The following NR2F1-AS1 variants were observed in gnomAD, a reference collection of about 807,000 sequenced individuals.
NR2F1-AS1 encodes NR2F1 regulatory antisense RNA 1.
intron 2 of NR2F1-AS1, among the ~76,000 whole-genome samples, chr5:93,555,778 T>C (rs1399164323): frequency 1.3e-5 from 2 of 152,200 alleles, no homozygotes; most frequent in Non-Finnish European, 2.9e-5. Flanking sequence ...CAGACACTAA[T>C]TTATTTTAGA....
intron 4 of NR2F1-AS1, among the ~76,000 whole-genome samples, chr5:93,534,049 T>C (rs1290857064): frequency 6.6e-6 from 1 of 152,092 alleles, no homozygotes; most frequent in Non-Finnish European, 1.5e-5. Context: ...GCCACTGAAC[T>C]CCAGCCTGGG....
intron 4 of NR2F1-AS1, among the ~76,000 whole-genome samples, chr5:93,524,893 CT>C (rs1298569332): frequency 3.3e-5 from 5 of 152,164 alleles, no homozygotes; most frequent in Non-Finnish European, 7.3e-5. Flanking sequence ...ATACCAGCCA[CT>C]GCAAAAACAT....
chr5:93,515,716 TGTC>T (rs1166855718), intron 4 of NR2F1-AS1, among the ~76,000 whole-genome samples: 1 of 151,908 alleles, frequency 6.6e-6, no homozygotes, highest in Non-Finnish European at 1.5e-5. Context: ...AAATCTTTCC[TGTC>T]TGCAGTATAA....
chr5:93,515,431 T>C (rs890666985), intron 4 of NR2F1-AS1, among the ~76,000 whole-genome samples: 1 of 151,948 alleles, frequency 6.6e-6, no homozygotes. Flanking sequence ...CATTACTTTT[T>C]CTATTTCTCT....
At chr5:93,463,704 G>C (rs1360181980) in intron 4 of NR2F1-AS1, among the ~76,000 whole-genome samples, 1 of 152,230 alleles carries the variant, frequency 6.6e-6, no homozygotes, top group Non-Finnish European at 1.5e-5. Flanking sequence ...AGCATGACCT[G>C]AATGCAAGAC....
intron 4 of NR2F1-AS1, among the ~76,000 whole-genome samples, chr5:93,504,495 C>T (rs555654544): frequency 6.6e-6 from 1 of 152,228 alleles, no homozygotes; most frequent in East Asian, 1.9e-4. Context: ...AGCTATCCAG[C>T]TCATCTTATA....
chr5:93,422,829 C>T (rs1029242893), intron 4 of NR2F1-AS1, among the ~76,000 whole-genome samples: 1 of 152,104 alleles, frequency 6.6e-6, no homozygotes, highest in African/African-American at 2.4e-5. Flanking sequence ...GGTCCTGGAA[C>T]AATTTTCCTC....
chr5:93,444,672 A>G (rs143996499), intron 4 of NR2F1-AS1, among the ~76,000 whole-genome samples: 4,537 of 152,226 alleles, frequency 0.03, 216 homozygotes, highest in African/African-American at 0.1. Flanking sequence ...ATATCCAGGA[A>G]TTGAACTCAG....
intron 2 of NR2F1-AS1, among the ~76,000 whole-genome samples, chr5:93,561,206 G>A (rs1280922805): frequency 6.6e-6 from 1 of 152,104 alleles, no homozygotes; most frequent in Non-Finnish European, 1.5e-5. Context: ...CTCGGAGGCA[G>A]AGGTTGCGGT....
At chr5:93,528,195 T>G (rs1027167673) in intron 4 of NR2F1-AS1, among the ~76,000 whole-genome samples, 1 of 152,070 alleles carries the variant, frequency 6.6e-6, no homozygotes, top group African/African-American at 2.4e-5. Context: ...GCAAACGATA[T>G]GAACAGACAC....
chr5:93,420,430 TTGTC>T (rs949153649), intron 4 of NR2F1-AS1, among the ~76,000 whole-genome samples: 2 of 152,106 alleles, frequency 1.3e-5, no homozygotes, highest in Non-Finnish European at 2.9e-5. Context: ...AGTATTGTCT[TTGTC>T]TGAGAAAGTA....
chr5:93,539,283 A>T (rs374464991), intron 4 of NR2F1-AS1, among the ~76,000 whole-genome samples: 3 of 152,298 alleles, frequency 2.0e-5, no homozygotes, highest in South Asian at 2.1e-4. Flanking sequence ...ATATCAAAAA[A>T]ATATATATAC....
chr5:93,507,407 G>A (rs1055444312), intron 4 of NR2F1-AS1, among the ~76,000 whole-genome samples: 3 of 152,034 alleles, frequency 2.0e-5, no homozygotes, highest in African/African-American at 7.2e-5. Context: ...GCCCAGGCTG[G>A]AGTGCAATGG....
rs554128484 is a variant in NR2F1-AS1, at chr5:93,489,084, GTGGGGCCTGT to G, written n.638+64667_638+64676del. The stretch of plus-strand genomic sequence containing the variant: ...GGACACAGTGGGGGAACATCACACA[GTGGGGCCTGT>G]TGGAGGGTGGAGGACTATGGAAGGG... On this transcript the variant is annotated intron_variant and non_coding_transcript_variant, in intron 4 of 5. Transcript: ENST00000660523. Among the ~76,000 whole-genome samples the G allele has an allele frequency of 8.0e-3, 1,212 of 152,186 alleles. 5 individuals carry two copies. Among genetic ancestry groups the G allele is most frequent in the Non-Finnish European group, 0.011 (753 of 68,002 alleles).
At chr5:93,536,170 T>C (rs958814922) in intron 4 of NR2F1-AS1, among the ~76,000 whole-genome samples, 5 of 151,746 alleles carry the variant, frequency 3.3e-5, no homozygotes, top group African/African-American at 9.7e-5. Context: ...GAAAAAAACA[T>C]AGAAAACAAT....
chr5:93,523,166 G>T (rs1444031272), intron 4 of NR2F1-AS1, among the ~76,000 whole-genome samples: 1 of 152,150 alleles, frequency 6.6e-6, no homozygotes, highest in Non-Finnish European at 1.5e-5. Context: ...GGTGGGGGGA[G>T]GGGTGTCTGC....
chr5:93,448,882 C>T (rs1447562906), intron 4 of NR2F1-AS1, among the ~76,000 whole-genome samples: 1 of 152,192 alleles, frequency 6.6e-6, no homozygotes, highest in East Asian at 1.9e-4. Context: ...CTCACTGAGA[C>T]ACCCAGAATT....
chr5:93,446,397 T>A (rs1580231216), intron 4 of NR2F1-AS1, among the ~76,000 whole-genome samples: 2 of 152,266 alleles, frequency 1.3e-5, no homozygotes, highest in Admixed American at 6.5e-5. Context: ...AGCATTCCTA[T>A]ACACCAATAA....
chr5:93,547,450 T>C (rs1286664897), intron 4 of NR2F1-AS1, among the ~76,000 whole-genome samples: 1 of 152,176 alleles, frequency 6.6e-6, no homozygotes, highest in Admixed American at 6.5e-5. Flanking sequence ...TAATAATGTA[T>C]ACATTTCTCA....
Sources: gnomAD v4.1 joint callset for allele counts (sites outside exome capture counted in the v4.1 genomes callset) on GRCh38, gnomAD v4.1.1 for gene constraint, MANE v1.5 for transcripts, NCBI Gene and HGNC (gene_info 2026-07-23, HGNC 2026-07-21) for gene names.